UBA7: variants seen among roughly 807,000 people sequenced by gnomAD.
UBA7 encodes ubiquitin-like modifier-activating enzyme 7.
In UBA7, 88 loss-of-function variants were observed where a neutral mutation model predicts 113.0. That is an observed-to-expected ratio of 0.78 (90% confidence interval 0.66 to 0.93). The LOEUF (loss-of-function observed/expected upper bound fraction) is 0.93. Ranked by LOEUF, UBA7 falls within the 40% of genes least tolerant of loss-of-function variation. UBA7 has a pLI of 0.00. For synonymous variants in UBA7, 459 were observed against 513.0 expected (o/e 0.89, Z 1.42); for missense variants, 1,092 against 1,266.4 (o/e 0.86, Z 2.09).
Position 49,808,054 on chromosome 3 carries a change from T to C in UBA7, c.2489A>G (p.Gln830Arg). ...FVVAAASLRC[Q>R]NYGIPPVNRA... ...GTTGACCGGTGGAATCCCGTAGTTC[T>C]GACATCTCAGGCTAGCTGCCGCTAC... The change falls in exon 20 of 24, where the codon CAG (glutamine) becomes CGG (arginine). Residue 830 changes from glutamine to arginine, a missense_variant. Coordinates refer to ENST00000333486, the MANE Select transcript of UBA7 (RefSeq NM_003335.3). 6.2e-7 allele frequency: 1 copy of C among 1,614,142 alleles called. No homozygotes were observed. The highest frequency in any genetic ancestry group is 8.5e-7 in the Non-Finnish European group (1 of 1,180,018).
Position 49,813,166 on chromosome 3 carries a change from C to T in UBA7, c.363G>A (p.Val121=). 1.2e-6 allele frequency: 2 copies of T among 1,614,032 alleles called. No individual in the cohort carries two copies. Among genetic ancestry groups the T allele is most frequent in the Non-Finnish European group, 1.7e-6 (2 of 1,179,928 alleles). ...CCAGCTTTGCAGCAGTCAGCACCAC[C>T]ACCTGGGTGGACACAGTGATCAGCA... The part of the protein sequence containing the change: ...ITEDLLLDFQ[V]VVLTAAKLEE... The change falls in exon 4 of 24, where the codon GTG becomes GTA. Residue 121 remains valine, a splice_region_variant and synonymous_variant. Transcript: ENST00000333486.
In UBA7 at chr3:49,810,284, C is replaced by A. The variant is rs2081522353; in HGVS notation, c.1612G>T (p.Ala538Ser). The change falls in exon 13 of 24, where the codon GCC becomes TCC. Residue 538 changes from alanine to serine, a missense_variant. Transcript: ENST00000333486. The surrounding 1 kb of genome is among the most constrained non-coding windows in gnomAD (Gnocchi z 5.6). ...TCACGGGCCTGGAAACTGTCCAGGG[C>A]AGCAGCCACACCATCCACACGGGAG... ...FFSRVDGVAA[A>S]LDSFQARRYV... 1 of 1,613,772 alleles carries A rather than the reference C, an allele frequency of 6.2e-7. No individual in the cohort carries two copies.
At position 49,809,438 on chromosome 3, in the gene UBA7, C is replaced by T; in HGVS notation, c.2115G>A (p.Trp705Ter). The T allele has an allele frequency of 6.2e-7, 1 of 1,614,162 alleles. No homozygotes were observed. Among genetic ancestry groups the T allele is most frequent in the Middle Eastern group, 1.7e-4 (1 of 6,060 alleles). ...GCTGGGGACACTGTTTGGGACCTGA[C>T]CAGAAGGGAGTTCCATCCTCAAGCA... ...NKVLEDGTPF[W>*]SGPKQCPQPL... Residue 705 changes from tryptophan (W) to a stop codon, truncating the protein, a stop_gained, in exon 17 of 24, where the codon TGG becomes TGA. Coordinates refer to ENST00000333486, the MANE Select transcript of UBA7 (RefSeq NM_003335.3). LOFTEE classifies it high-confidence loss of function.
intron 4 of UBA7, 106 bp downstream of exon 4, chr3:49,812,956 G>T: frequency 7.4e-7 from 1 of 1,346,268 alleles, no homozygotes; most frequent in Non-Finnish European, 1.0e-6. Flanking sequence ...TGCTGGGATA[G>T]ACCTGAGGCT....
chr3:49,812,556 A>C lies in UBA7; in HGVS notation c.559-13T>G. 9 of 1,613,988 alleles carry C rather than the reference A, an allele frequency of 5.6e-6. No individual in the cohort carries two copies. The highest frequency in any genetic ancestry group is 7.6e-6 in the Non-Finnish European group (9 of 1,179,986). ...TGCCAGGGGAGCCCTGGGTAGGAGG[A>C]GGCTTGGCTCAGGGTTGCCTGGACC... On this transcript the variant is annotated splice_polypyrimidine_tract_variant and intron_variant, in intron 5 of 23. Transcript: ENST00000333486.
chr3:49,808,735 A>G (rs1267781325), intron 18 of UBA7, among the ~76,000 whole-genome samples: 1 of 152,080 alleles, frequency 6.6e-6, no homozygotes, highest in East Asian at 1.9e-4. Context: ...TTATTTACTT[A>G]TTTATTTTGC....
intron 9 of UBA7, 88 bp downstream of exon 9, chr3:49,811,185 G>A: frequency 6.2e-7 from 1 of 1,603,888 alleles, no homozygotes; most frequent in Non-Finnish European, 8.5e-7. Flanking sequence ...GAAGGCTCCA[G>A]GGCTGCTCTC....
In UBA7 at chr3:49,807,873, C is replaced by T. The variant is rs1301611970; in HGVS notation, c.2578G>A (p.Val860Met). 1 of 1,613,774 alleles carries T rather than the reference C, an allele frequency of 6.2e-7. No homozygotes were observed. The highest frequency in any genetic ancestry group is 8.5e-7 in the Non-Finnish European group (1 of 1,179,728). Residue 860 changes from valine to methionine, a missense_variant, in exon 21 of 24, where the codon GTG (valine) becomes ATG (methionine). This residue lies in a region of UBA7 where 500 missense variants were observed against 529.3 expected (regional missense o/e 0.94). Transcript: ENST00000333486. This position sits in a 1 kb window ranked among gnomAD's most constrained non-coding sequence, Gnocchi z 4.0. The part of the protein sequence containing the change: ...IPAIATTTAA[V>M]AGLLGLELYK... ...AGCTCCAGGCCCAACAGGCCTGCCA[C>T]AGCTGCTGTAGTGGTGGCAATGGCT...
rs914903541 is a variant in UBA7 at position 49,808,387 on chromosome 3, T to C, written c.2429A>G (p.Lys810Arg). 6.2e-7 allele frequency: 1 copy of C among 1,614,202 alleles called. No individual in the cohort carries two copies. Among genetic ancestry groups the C allele is most frequent in the East Asian group, 2.2e-5 (1 of 44,882 alleles). Residue 810 changes from lysine (K) to arginine (R), a missense_variant and splice_region_variant, in exon 19 of 24, where the codon AAG becomes AGG. Lys to Arg is a conservative substitution (Grantham distance 26). This residue lies in a region of UBA7 where 500 missense variants were observed against 529.3 expected (regional missense o/e 0.94). Coordinates refer to ENST00000333486, the MANE Select transcript of UBA7 (RefSeq NM_003335.3). ...CCTCACTGCCACTTGGGCACCCACC[T>C]TCTCAAACATCAGAGGCTTCAGGGG... ...GPPLKPLMFE[K>R]DDDSNFHVDF...
Position 49,810,863 on chromosome 3 carries a change from T to G in UBA7, c.1231-31A>C, listed in dbSNP as rs781015404. The G allele has an allele frequency of 3.1e-6, 5 of 1,612,518 alleles. No homozygotes were observed. The highest frequency in any genetic ancestry group is 1.7e-4 in the Middle Eastern group (1 of 6,058). On this transcript the variant is annotated intron_variant, in intron 10 of 23. Coordinates refer to ENST00000333486, the MANE Select transcript of UBA7 (RefSeq NM_003335.3). This position sits in a 1 kb window ranked among gnomAD's most constrained non-coding sequence, Gnocchi z 5.6. ...GGACAGAGACGGGGTCAGTGATGGC[T>G]ACTGGCCTGCATCTCCTTCTTATAC...
chr3:49,811,695 G>GTGTA, intron 8 of UBA7, 175 bp downstream of exon 8: 1 of 1,213,778 alleles, frequency 8.2e-7, no homozygotes, highest in South Asian at 1.5e-5. Flanking sequence ...AGGGGTCGGG[G>GTGTA]TGTAGCAGGA....
In UBA7 at chr3:49,809,775, G is replaced by C. The variant is rs1389273536; in HGVS notation, c.1904+40C>G. 7 of 1,613,984 alleles carry C rather than the reference G, an allele frequency of 4.3e-6. No individual in the cohort carries two copies. In the Admixed American group the frequency reaches 1.2e-4, roughly 27 times the overall value. On this transcript the variant is annotated intron_variant, in intron 15 of 23. Transcript: ENST00000333486. Reference sequence around the variant, plus strand: ...GACTGAGTCCTGCAGACTCATGCTTGGAGCCCTGGACTCCCATCTGCCTCT... The same window carrying C: ...GACTGAGTCCTGCAGACTCATGCTTCGAGCCCTGGACTCCCATCTGCCTCT...
rs556626990 is a variant in UBA7, at chr3:49,811,263, C to A, written c.1122+10G>T. 8.7e-6 allele frequency: 14 copies of A among 1,613,888 alleles called. No individual in the cohort carries two copies. In the South Asian group the frequency reaches 1.5e-4, roughly 18 times the overall value. On this transcript the variant is annotated intron_variant, in intron 9 of 23. Coordinates refer to ENST00000333486, the MANE Select transcript of UBA7 (RefSeq NM_003335.3). ...TTCCCAGTACCCCCCACACCTATGC[C>A]TCTGCCCACCTTCAGCACTTCCTGG...
At position 49,810,065 on chromosome 3, in the gene UBA7, G is replaced by C; in HGVS notation, c.1752C>G (p.Ala584=). 6.2e-7 allele frequency: 1 copy of C among 1,613,464 alleles called. No individual in the cohort carries two copies. Among genetic ancestry groups the C allele is most frequent in the Admixed American group, 1.7e-5 (1 of 60,016 alleles). The change falls in exon 14 of 24, where the codon GCC becomes GCG. Residue 584 remains alanine (A), a synonymous_variant. Coordinates refer to ENST00000333486, the MANE Select transcript of UBA7 (RefSeq NM_003335.3). The surrounding 1 kb of genome is among the most constrained non-coding windows in gnomAD (Gnocchi z 5.6). ...FMPHVTEAYR[A]PASAAASEDA... is the part of the protein sequence containing the mutation. Reference sequence around the variant, plus strand: ...CCTCAGAAGCTGCAGCTGAGGCAGGGGCTCTGTAGGCCTCAGTCACATGTG... The same window carrying C: ...CCTCAGAAGCTGCAGCTGAGGCAGGCGCTCTGTAGGCCTCAGTCACATGTG...
intron 21 of UBA7, 77 bp from the exon 22 acceptor site, chr3:49,806,242 T>G: frequency 8.6e-7 from 1 of 1,162,522 alleles, no homozygotes. Context: ...CAGCCTTTCC[T>G]AGGGGAAGAG....
Position 49,808,407 on chromosome 3 carries a change from C to T in UBA7, c.2409G>A (p.Leu803=). Residue 803 remains leucine, a synonymous_variant, in exon 19 of 24, where the codon CTG becomes CTA. Coordinates refer to ENST00000333486, the MANE Select transcript of UBA7 (RefSeq NM_003335.3). The stretch of plus-strand genomic sequence containing the variant: ...CCACCTTCTCAAACATCAGAGGCTT[C>T]AGGGGAGGGCCCACACTCCAGACTT... ...ALEVWSVGPP[L]KPLMFEKDDD... The T allele has an allele frequency of 6.2e-7, 1 of 1,614,236 alleles. No homozygotes were observed. The highest frequency in any genetic ancestry group is 2.2e-5 in the East Asian group (1 of 44,892).
chr3:49,808,112 CCTG>C lies in UBA7; in HGVS notation c.2431-3_2431-1del. ...TCCACATGGAAGTTGCTGTCATCAT[CCTG>C]TAAGGCCCAAGTCAAAGTAGTGTTA... On this transcript the variant is annotated splice_acceptor_variant and splice_polypyrimidine_tract_variant and intron_variant, in intron 19 of 23. Coordinates refer to ENST00000333486, the MANE Select transcript of UBA7 (RefSeq NM_003335.3). LOFTEE classifies it high-confidence loss of function. The C allele has an allele frequency of 6.2e-7, 1 of 1,613,830 alleles. No individual in the cohort carries two copies. Among genetic ancestry groups the C allele is most frequent in the Non-Finnish European group, 8.5e-7 (1 of 1,179,904 alleles).
rs1289293836 is a variant in UBA7, at chr3:49,810,535, G to A, written c.1449C>T (p.Phe483=). The A allele has an allele frequency of 2.5e-6, 4 of 1,614,136 alleles. No individual in the cohort carries two copies. The East Asian group carries it at 6.7e-5, about 27-fold the overall frequency. ...CACTCACACCAACGTCCTGGGACCT[G>A]AAGAGGAACTGACGGCTGAGATTGG... ...ERSNLSRQFL[F]RSQDVGRPKA... is the part of the protein sequence containing the mutation. The change falls in exon 12 of 24, where the codon TTC becomes TTT. Residue 483 remains phenylalanine (F), a synonymous_variant. Coordinates refer to ENST00000333486, the MANE Select transcript of UBA7 (RefSeq NM_003335.3). This position sits in a 1 kb window ranked among gnomAD's most constrained non-coding sequence, Gnocchi z 5.6.
At chr3:49,806,336 T>C in intron 21 of UBA7, 171 bp from the exon 22 acceptor site, 1 of 629,050 alleles carries the variant, frequency 1.6e-6, no homozygotes, top group South Asian at 2.0e-5. Flanking sequence ...CCCCTCCCCG[T>C]CCAGGCCGGG....
Sources: allele counts gnomAD v4.1 joint callset (sites outside exome capture counted in the v4.1 genomes callset), GRCh38; gene constraint gnomAD v4.1.1; regional missense constraint gnomAD v4.1.1; non-coding constraint Gnocchi (gnomAD v3.1); transcripts MANE v1.5; gene names NCBI Gene and HGNC (gene_info 2026-07-23, HGNC 2026-07-21).